Variants in DEDD2 observed in about 807,000 individuals in gnomAD.
DEDD2 encodes the protein DNA-binding death effector domain-containing protein 2.
DEDD2 carries 18 observed loss-of-function variants against 28.9 expected under a neutral mutation model. The observed-to-expected ratio is 0.62, with a 90% CI of 0.43 to 0.92. The LOEUF is 0.92. Among genes scored for constraint, DEDD2 ranks in the 40% least tolerant of loss-of-function variants. The pLI is 0.00. For missense variants in DEDD2, 411 were observed against 463.3 expected (o/e 0.89, Z 1.04); for synonymous variants, 211 against 206.1 (o/e 1.02, Z -0.20).
intron 2 of DEDD2, 102 bp downstream of exon 2, chr19:42,216,578 G>T: frequency 8.5e-7 from 1 of 1,182,766 alleles, no homozygotes; most frequent in Non-Finnish European, 1.1e-6. Context: ...TGGGACATAA[G>T]CTGCCTGATA....
upstream of DEDD2, among the ~76,000 whole-genome samples, chr19:42,218,676 G>T (rs1412093569): frequency 6.6e-6 from 1 of 152,164 alleles, no homozygotes; most frequent in East Asian, 1.9e-4. Context: ...CTTGGGAGTC[G>T]GGAGATCTGG....
intron 4 of DEDD2, among the ~76,000 whole-genome samples, chr19:42,203,103 G>A (rs1488841737): frequency 6.6e-6 from 1 of 152,170 alleles, no homozygotes; most frequent in Non-Finnish European, 1.5e-5. Flanking sequence ...TGAGTCACCT[G>A]CCTAAGGCCA....
At chr19:42,218,772 T>C (rs2036072426), upstream of DEDD2, among the ~76,000 whole-genome samples, 1 of 152,194 alleles carries the variant, frequency 6.6e-6, no homozygotes, top group Non-Finnish European at 1.5e-5. Flanking sequence ...GTAGCTCACG[T>C]CTGTAATCCC....
intron 4 of DEDD2, among the ~76,000 whole-genome samples, chr19:42,208,530 T>TA (rs2035621847): frequency 6.6e-6 from 1 of 152,212 alleles, no homozygotes; most frequent in African/African-American, 2.4e-5. Context: ...CAGATGGAGT[T>TA]AGAGTTCCCT....
At chr19:42,205,512 A>C (rs761547070) in intron 4 of DEDD2, among the ~76,000 whole-genome samples, 2 of 152,100 alleles carry the variant, frequency 1.3e-5, no homozygotes, top group Non-Finnish European at 2.9e-5. Context: ...CTGTAATCCT[A>C]GCTACTCGGG....
In DEDD2 at chr19:42,199,493, C is replaced by T. The variant is rs1221084504; in HGVS notation, c.926G>A (p.Arg309His). ...TTCCTCCTCCATCAGCAACAGGCGG[C>T]GCCGGCCAGCCTCATAGTCAGCCTC... is the stretch of plus-strand genomic sequence containing the variant. ...VDEADYEAGR[R>H]RLLLMEEEGG... Residue 309 changes from arginine to histidine, a missense_variant, in exon 5 of 5, where the codon CGC becomes CAC. Arg to His is a conservative substitution (Grantham distance 29). Coordinates refer to ENST00000596251, the MANE Select transcript of DEDD2 (RefSeq NM_133328.4). The surrounding 1 kb of genome is among the most constrained non-coding windows in gnomAD (Gnocchi z 7.4). The T allele has an allele frequency of 4.3e-6, 7 of 1,612,888 alleles. No homozygotes were observed. Among genetic ancestry groups the T allele is most frequent in the South Asian group, 1.1e-5 (1 of 91,064 alleles).
rs1437443489 is a variant in DEDD2 at position 42,199,044 on chromosome 19, G to A, written c.*394C>T. On this transcript the variant is annotated 3_prime_UTR_variant, in exon 5 of 5. Transcript: ENST00000596251. This position sits in a 1 kb window ranked among gnomAD's most constrained non-coding sequence, Gnocchi z 7.4. ...AAGCAGGCCAGGGCAGAGGCCCAGG[G>A]AAGATCTCAGCAGGGGCAGTGTGAG... 1 of 204,782 alleles carries A rather than the reference G, an allele frequency of 4.9e-6. No individual in the cohort carries two copies. Among genetic ancestry groups the A allele is most frequent in the Non-Finnish European group, 1.0e-5 (1 of 100,072 alleles). 12.7% of individuals were successfully genotyped at this position (204,782 alleles called of 1,614,324 possible).
intron 3 of DEDD2, among the ~76,000 whole-genome samples, chr19:42,210,380 G>A (rs1232085625): frequency 6.6e-6 from 1 of 152,108 alleles, no homozygotes; most frequent in African/African-American, 2.4e-5. Flanking sequence ...GAAATGACAT[G>A]TCTAAAAATA....
chr19:42,216,608 G>A lies in DEDD2; in HGVS notation c.328+72C>T, dbSNP rs1288146206. ...CTGATATGGCACTGTCCGTATCAGG[G>A]CACCAGGGAGGCCCAGCGGGAGCCA... is the stretch of plus-strand genomic sequence containing the variant. On this transcript the variant is annotated intron_variant, in intron 2 of 4. Transcript: ENST00000596251. 4.9e-6 allele frequency: 7 copies of A among 1,438,844 alleles called. No homozygotes were observed. The East Asian group carries it at 1.5e-4, about 31-fold the overall frequency. The allele number at this position is 1,438,844 out of a possible 1,614,324, so 89.1% of individuals were successfully genotyped here.
In DEDD2 at chr19:42,199,218, C is replaced by G; in HGVS notation, c.*220G>C. ...GCCTCCGGAGGCTAAGGGGGCACAC[C>G]TGGGGGTAGGAGGAGTCTGGGAAGG... On this transcript the variant is annotated 3_prime_UTR_variant, in exon 5 of 5. Transcript: ENST00000596251. This position sits in a 1 kb window ranked among gnomAD's most constrained non-coding sequence, Gnocchi z 7.4. 1 of 698,310 alleles carries G rather than the reference C, an allele frequency of 1.4e-6. No homozygotes were observed. Among genetic ancestry groups the G allele is most frequent in the Non-Finnish European group, 2.3e-6 (1 of 438,370 alleles). The allele number at this position is 698,310 out of a possible 1,614,324, so 43.3% of individuals were successfully genotyped here. A position where few individuals can be genotyped will look rare whatever the true frequency, so the allele number is the denominator to read the frequency against.
intron 3 of DEDD2, among the ~76,000 whole-genome samples, chr19:42,212,991 TCAA>T (rs1299073641): frequency 6.6e-6 from 1 of 152,146 alleles, no homozygotes; most frequent in Admixed American, 6.6e-5. Flanking sequence ...ATATACACAC[TCAA>T]CACCCAGGTT....
In DEDD2 at chr19:42,209,885, T is replaced by C. The variant is rs757036934; in HGVS notation, c.449-45A>G. On this transcript the variant is annotated intron_variant, in intron 3 of 4. Coordinates refer to ENST00000596251, the MANE Select transcript of DEDD2 (RefSeq NM_133328.4). The stretch of plus-strand genomic sequence containing the variant: ...GCAAGTTGAGGACCAGGATGACAGC[T>C]AGAGTGCCCAGGTGTATGCCTGGAA... The C allele has an allele frequency of 4.0e-6, 6 of 1,486,500 alleles. No individual in the cohort carries two copies. In the African/African-American group the frequency reaches 4.4e-5, roughly 11 times the overall value. The allele number at this position is 1,486,500 out of a possible 1,614,324, so 92.1% of individuals were successfully genotyped here.
At chr19:42,205,129 C>T (rs1377847549) in intron 4 of DEDD2, among the ~76,000 whole-genome samples, 1 of 152,182 alleles carries the variant, frequency 6.6e-6, no homozygotes, top group Non-Finnish European at 1.5e-5. Flanking sequence ...ATCAACCCTA[C>T]TGCAGGATAC....
At chr19:42,201,769 C>T in intron 4 of DEDD2, 1 of 381,456 alleles carries the variant, frequency 2.6e-6, no homozygotes, top group South Asian at 1.4e-4. Context: ...GGGAAGCCTG[C>T]CCAGCCTCAG....
intron 4 of DEDD2, chr19:42,201,662 C>CA: frequency 4.2e-6 from 1 of 237,736 alleles, no homozygotes; most frequent in Non-Finnish European, 8.1e-6. Context: ...CCCTGCTCCC[C>CA]AAGACAACTT....
At chr19:42,210,116 C>T (rs1389372204) in intron 3 of DEDD2, among the ~76,000 whole-genome samples, 2 of 152,048 alleles carry the variant, frequency 1.3e-5, no homozygotes, top group African/African-American at 2.4e-5. Context: ...GAGACACACA[C>T]GACAACCGCC....
chr19:42,207,631 T>C (rs1174675203), intron 4 of DEDD2, among the ~76,000 whole-genome samples: 6 of 152,090 alleles, frequency 3.9e-5, no homozygotes, highest in Admixed American at 2.0e-4. Context: ...TCTTGCCCAC[T>C]ATAACGTAAA....
intron 4 of DEDD2, 144 bp downstream of exon 4, chr19:42,209,556 A>C: frequency 8.1e-7 from 1 of 1,238,360 alleles, no homozygotes; most frequent in Middle Eastern, 2.0e-4. Context: ...GGCGAGAGAA[A>C]GGACAAGAAT....
In DEDD2 at chr19:42,199,569, G is replaced by A; in HGVS notation, c.850C>T (p.Leu284=). The change falls in exon 5 of 5, where the codon CTG becomes TTG. Residue 284 remains leucine, a synonymous_variant. Transcript: ENST00000596251. This position sits in a 1 kb window ranked among gnomAD's most constrained non-coding sequence, Gnocchi z 7.4. ...ALRGVFLTEA[L]REAVGREAVR... The stretch of plus-strand genomic sequence containing the variant: ...GCCTCCCGGCCCACAGCCTCTCGCA[G>A]GGCCTCAGTCAGGAACACGCCCCGC... The A allele has an allele frequency of 1.2e-6, 2 of 1,614,072 alleles. No individual in the cohort carries two copies. Among genetic ancestry groups the A allele is most frequent in the Non-Finnish European group, 8.5e-7 (1 of 1,179,984 alleles).
Sources: allele counts gnomAD v4.1 joint callset (sites outside exome capture counted in the v4.1 genomes callset), GRCh38; gene constraint gnomAD v4.1.1; non-coding constraint Gnocchi (gnomAD v3.1); transcripts MANE v1.5; gene names NCBI Gene and HGNC (gene_info 2026-07-23, HGNC 2026-07-21).